TAFA1: variants seen among roughly 807,000 people sequenced by gnomAD.
TAFA1 encodes the protein TAFA chemokine like family member 1, also known as chemokine-like protein TAFA-1.
Under a neutral mutation model 18.5 loss-of-function variants are expected in TAFA1, and 4 were observed. The observed-to-expected ratio is 0.22, with a 90% CI of 0.11 to 0.49. TAFA1 has a LOEUF of 0.49. Ranked by LOEUF, TAFA1 falls within the 20% of genes least tolerant of loss-of-function variation. The pLI, the probability that TAFA1 is intolerant of heterozygous loss-of-function variation, is 0.98. For synonymous variants in TAFA1, 56 were observed against 55.2 expected (o/e 1.01, Z -0.06); for missense variants, 147 against 169.0 (o/e 0.87, Z 0.72).
chr3:68,405,355 T>C (rs113624073), intron 2 of TAFA1, among the ~76,000 whole-genome samples: 1 of 151,182 alleles, frequency 6.6e-6, no homozygotes, highest in African/African-American at 2.4e-5. Context: ...GAGGTAGGAG[T>C]AGACAAGTCA....
Position 68,032,585 on chromosome 3 carries a change from G to A in TAFA1, c.118+25841G>A, listed in dbSNP as rs140434607. 1.4e-3 allele frequency among the ~76,000 whole-genome samples: 218 copies of A among 152,254 alleles called. 1 individual carries two copies. The highest frequency in any genetic ancestry group is 4.8e-3 in the African/African-American group (200 of 41,554). On this transcript the variant is annotated intron_variant, in intron 2 of 4. Coordinates refer to ENST00000478136, the MANE Select transcript of TAFA1 (RefSeq NM_213609.4). ...AATTCTCCTGTCCATATCTCAGTCT[G>A]TGTCATCTTCCATGTTCATCCAGAC...
At chr3:68,544,424 A>C (rs2073423804) in intron 4 of TAFA1, 62 bp from the exon 5 acceptor site, 37 of 1,549,832 alleles carry the variant, frequency 2.4e-5, no homozygotes, top group Non-Finnish European at 2.9e-5. Context: ...ACATAATCAC[A>C]TTTCTTTGTG....
chr3:68,354,935 T>C (rs928187283), intron 2 of TAFA1, among the ~76,000 whole-genome samples: 3 of 152,018 alleles, frequency 2.0e-5, no homozygotes, highest in South Asian at 2.1e-4. Flanking sequence ...TACTGTTGTA[T>C]TGGGAATTAA....
intron 2 of TAFA1, among the ~76,000 whole-genome samples, chr3:68,227,814 C>G (rs1053199442): frequency 1.3e-4 from 20 of 152,122 alleles, no homozygotes; most frequent in Non-Finnish European, 2.8e-4. Context: ...GCATCTGGGG[C>G]TTTTCATTTT....
chr3:67,994,987 A>G, the TAFA1 span, among the ~76,000 whole-genome samples: 2 of 152,136 alleles, frequency 1.3e-5, no homozygotes, highest in African/African-American at 4.8e-5. Flanking sequence ...CATGAAATCT[A>G]CCAAACATGG....
intron 3 of TAFA1, among the ~76,000 whole-genome samples, chr3:68,459,254 CCCACAACAT>C (rs2071728631): frequency 6.6e-6 from 1 of 152,004 alleles, no homozygotes; most frequent in Non-Finnish European, 1.5e-5. Flanking sequence ...CAGGTGGCAC[CCCACAACAT>C]CCATTACAAG....
chr3:68,333,337 A>G lies in TAFA1; in HGVS notation c.119-83943A>G, dbSNP rs532633632. 2.6e-5 allele frequency among the ~76,000 whole-genome samples: 4 copies of G among 152,344 alleles called. No individual in the cohort carries two copies. The East Asian group carries it at 7.7e-4, about 29-fold the overall frequency. On this transcript the variant is annotated intron_variant, in intron 2 of 4. Transcript: ENST00000478136. ...GTAGTGAGATGATATCCTTTGCAGC[A>G]ATGTGGATGAAGGTAGAGACCTTTA...
intron 2 of TAFA1, among the ~76,000 whole-genome samples, chr3:68,067,889 T>G (rs560431568): frequency 6.6e-6 from 1 of 151,902 alleles, no homozygotes. Flanking sequence ...CATAAACAAT[T>G]ATAATAAGGA....
At chr3:68,024,834 A>ACAC (rs33967574) in intron 2 of TAFA1, among the ~76,000 whole-genome samples, 4,252 of 139,414 alleles carry the variant, frequency 0.03, 179 homozygotes, top group African/African-American at 0.099. Context: ...CACACACACA[A>ACAC]TTATACATTG....
chr3:68,377,403 T>G (rs1196398687), intron 2 of TAFA1, among the ~76,000 whole-genome samples: 3 of 152,192 alleles, frequency 2.0e-5, no homozygotes, highest in African/African-American at 7.2e-5. Context: ...CAAAGGTCAC[T>G]CTTACTATGC....
At chr3:68,417,719 T>C (rs2070867191) in intron 3 of TAFA1, 2 of 246,744 alleles carry the variant, frequency 8.1e-6, no homozygotes, top group Non-Finnish European at 1.5e-5. Flanking sequence ...CTCACACTGC[T>C]ATAAGGAAAA....
In TAFA1 at chr3:68,245,363, A is replaced by AT. The variant is rs565623275; in HGVS notation, c.119-171914dup. On this transcript the variant is annotated intron_variant, in intron 2 of 4. Transcript: ENST00000478136. ...CATGTAGCTAAGGATGACTTTCTTT[A>AT]TTTATTGAGTCTCTAATTCTTTTTT... is the stretch of plus-strand genomic sequence containing the variant. 1.7e-3 allele frequency among the ~76,000 whole-genome samples: 253 copies of AT among 152,240 alleles called. 1 individual carries two copies. The highest frequency in any genetic ancestry group is 0.01 in the Middle Eastern group (3 of 294).
intron 3 of TAFA1, among the ~76,000 whole-genome samples, chr3:68,444,812 A>AT (rs2071448639): frequency 4.0e-4 from 55 of 139,022 alleles, no homozygotes; most frequent in Middle Eastern, 3.8e-3. Context: ...ATATATATAT[A>AT]AAATAAATTA....
Position 68,193,271 on chromosome 3 carries a change from C to CTACTA in TAFA1, c.118+186529_118+186533dup, listed in dbSNP as rs528592927. On this transcript the variant is annotated intron_variant, in intron 2 of 4. Transcript: ENST00000478136. ...GAGAGATTTTATTTTAAGTACTTTT[C>CTACTA]TACTATTCAAACATGGATTATTTTG... is the stretch of plus-strand genomic sequence containing the variant. Among the ~76,000 whole-genome samples the CTACTA allele has an allele frequency of 7.3e-5, 11 of 151,692 alleles. No individual in the cohort carries two copies. The East Asian group carries it at 2.1e-3, about 30-fold the overall frequency.
chr3:68,425,200 A>T (rs921792296), intron 3 of TAFA1, among the ~76,000 whole-genome samples: 8 of 151,968 alleles, frequency 5.3e-5, no homozygotes, highest in Admixed American at 2.0e-4. Context: ...GACAGAGAAG[A>T]TGACCTATTT....
intron 3 of TAFA1, among the ~76,000 whole-genome samples, chr3:68,502,385 A>C (rs2072673269): frequency 6.6e-6 from 1 of 152,176 alleles, no homozygotes; most frequent in Non-Finnish European, 1.5e-5. Context: ...CAAAATAGTT[A>C]CTTATGAAAC....
At chr3:68,424,658 T>C (rs2071019896) in intron 3 of TAFA1, among the ~76,000 whole-genome samples, 1 of 151,836 alleles carries the variant, frequency 6.6e-6, no homozygotes, top group Non-Finnish European at 1.5e-5. Context: ...GTTTGATAAT[T>C]GAAGGAAGTT....
chr3:68,193,472 G>A (rs1181312313), intron 2 of TAFA1, among the ~76,000 whole-genome samples: 1 of 151,662 alleles, frequency 6.6e-6, no homozygotes, highest in African/African-American at 2.4e-5. Context: ...AAACAGAAAA[G>A]TCAGATGTCT....
At chr3:68,076,644 T>G (rs2064829001) in intron 2 of TAFA1, among the ~76,000 whole-genome samples, 1 of 152,288 alleles carries the variant, frequency 6.6e-6, no homozygotes, top group South Asian at 2.1e-4. Context: ...AACTCATCAT[T>G]TTTTATGGCT....
Sources: allele counts gnomAD v4.1 joint callset (sites outside exome capture counted in the v4.1 genomes callset), GRCh38; gene constraint gnomAD v4.1.1; transcripts MANE v1.5; gene names NCBI Gene and HGNC (gene_info 2026-07-23, HGNC 2026-07-21).